EML4: variants seen among roughly 807,000 people sequenced by gnomAD.
EML4 encodes EMAP like 4.
A neutral mutation model predicts 129.0 loss-of-function variants in EML4; 72 were observed. The observed-to-expected ratio is 0.56, with a 90% CI of 0.46 to 0.68. The LOEUF (loss-of-function observed/expected upper bound fraction) is 0.68, where lower values mean the gene tolerates loss of function less well. EML4 is among the 30% of genes least tolerant of loss of function. EML4 has a pLI of 0.00. For missense variants in EML4, 1,363 were observed against 1,190.6 expected, an observed-to-expected ratio of 1.14 and a Z score of -2.13; for synonymous variants, 532 against 405.0, an observed-to-expected ratio of 1.31 and a Z score of -3.77.
intron 1 of EML4, among the ~76,000 whole-genome samples, chr2:42,195,953 T>C (rs1009737141): frequency 6.6e-6 from 1 of 152,202 alleles, no homozygotes; most frequent in Non-Finnish European, 1.5e-5. Context: ...TCCTTTTTCA[T>C]GGCAGACAAA....
intron 17 of EML4, among the ~76,000 whole-genome samples, chr2:42,311,340 G>A (rs530973822): frequency 6.6e-6 from 1 of 152,322 alleles, no homozygotes; most frequent in South Asian, 2.1e-4. Context: ...GCCAAGGTGG[G>A]AGGATTGCTT....
intron 10 of EML4, among the ~76,000 whole-genome samples, chr2:42,286,911 CCTTT>C (rs1441524252): frequency 6.6e-6 from 1 of 152,118 alleles, no homozygotes; most frequent in Non-Finnish European, 1.5e-5. Flanking sequence ...CCCCAGCAGT[CCTTT>C]CTAAGTGTTG....
chr2:42,312,445 C>T (rs1464765251), intron 17 of EML4, among the ~76,000 whole-genome samples: 5 of 152,144 alleles, frequency 3.3e-5, no homozygotes, highest in Admixed American at 3.3e-4. Context: ...AGTCTATTCT[C>T]TCTGAAGCCT....
At chr2:42,281,383 A>ACTC (rs1413193279) in intron 7 of EML4, among the ~76,000 whole-genome samples, 2 of 145,886 alleles carry the variant, frequency 1.4e-5, no homozygotes, top group Non-Finnish European at 3.0e-5. Flanking sequence ...ACCGGGGAAA[A>ACTC]CTCTGTCTCA....
At chr2:42,220,001 G>A (rs892604053) in intron 1 of EML4, among the ~76,000 whole-genome samples, 1 of 151,860 alleles carries the variant, frequency 6.6e-6, no homozygotes, top group African/African-American at 2.4e-5. Flanking sequence ...AAGGGCTTAA[G>A]GGGTGGCAGT....
intron 1 of EML4, 57 bp from the exon 2 acceptor site, chr2:42,245,448 A>C: frequency 1.4e-6 from 2 of 1,461,888 alleles, no homozygotes; most frequent in Non-Finnish European, 1.9e-6. Context: ...TTCTAATCAG[A>C]AATTACTTCT....
intron 2 of EML4, among the ~76,000 whole-genome samples, chr2:42,252,873 A>G (rs980961468): frequency 4.6e-5 from 7 of 152,050 alleles, no homozygotes; most frequent in South Asian, 4.1e-4. Flanking sequence ...TTGCACTTCC[A>G]TGATACTCCA....
intron 1 of EML4, among the ~76,000 whole-genome samples, chr2:42,179,971 G>A (rs1193491783): frequency 6.6e-6 from 1 of 152,176 alleles, no homozygotes; most frequent in Non-Finnish European, 1.5e-5. Context: ...ATGCATATGT[G>A]CATGTGTGTA....
At chr2:42,199,039 C>A (rs1031855695) in intron 1 of EML4, among the ~76,000 whole-genome samples, 1 of 152,098 alleles carries the variant, frequency 6.6e-6, no homozygotes, top group African/African-American at 2.4e-5. Flanking sequence ...GGAGAGGGAA[C>A]ACCTTGAAGC....
chr2:42,322,279 C>T (rs746335232), intron 19 of EML4, among the ~76,000 whole-genome samples: 3 of 152,210 alleles, frequency 2.0e-5, no homozygotes, highest in Non-Finnish European at 2.9e-5. Context: ...CAATTCAGTT[C>T]CCTGAGAGTG....
rs771807020 is a variant in EML4 at position 42,330,133 on chromosome 2, T to C, written c.2872T>C (p.Cys958Arg). ...TGGTGAGCCTCTTTATGAAGAGCCATGCAACGAGATAAGCAAGGAGCAGGC... is the reference window on the plus strand; with the variant it reads ...TGGTGAGCCTCTTTATGAAGAGCCACGCAACGAGATAAGCAAGGAGCAGGC... ...DLGEPLYEEP[C>R]NEISKEQAKA... Residue 958 changes from cysteine to arginine, a missense_variant, in exon 23 of 23, where the codon TGC becomes CGC. Coordinates refer to ENST00000318522, the MANE Select transcript of EML4 (RefSeq NM_019063.5). 3.1e-6 allele frequency: 5 copies of C among 1,611,952 alleles called. No homozygotes were observed. In the Admixed American group the frequency reaches 8.4e-5, roughly 27 times the overall value.
At chr2:42,227,494 A>G (rs1674046084) in intron 1 of EML4, among the ~76,000 whole-genome samples, 1 of 147,920 alleles carries the variant, frequency 6.8e-6, no homozygotes, top group African/African-American at 2.5e-5. Flanking sequence ...TTTTTTTTAA[A>G]CCACCCCTCT....
At chr2:42,320,224 C>G (rs1202162575) in intron 19 of EML4, among the ~76,000 whole-genome samples, 1 of 151,946 alleles carries the variant, frequency 6.6e-6, no homozygotes, top group Non-Finnish European at 1.5e-5. Flanking sequence ...TATTATTACT[C>G]ACACCTGTAA....
chr2:42,252,061 A>G (rs1675807335), intron 2 of EML4, among the ~76,000 whole-genome samples: 1 of 152,222 alleles, frequency 6.6e-6, no homozygotes, highest in Non-Finnish European at 1.5e-5. Flanking sequence ...AGTTTTAGAG[A>G]GACAGATTGG....
intron 1 of EML4, among the ~76,000 whole-genome samples, chr2:42,209,004 T>G (rs1672727653): frequency 6.6e-6 from 1 of 152,190 alleles, no homozygotes; most frequent in South Asian, 2.1e-4. Context: ...TCCTATTTCC[T>G]TATGGTTTTA....
intron 1 of EML4, among the ~76,000 whole-genome samples, chr2:42,187,274 C>G (rs1364648935): frequency 6.6e-6 from 1 of 151,920 alleles, no homozygotes; most frequent in Non-Finnish European, 1.5e-5. Flanking sequence ...GTCTTGAACT[C>G]TGGGCTCAAG....
chr2:42,311,555 GTAA>G (rs1247038658), intron 17 of EML4, among the ~76,000 whole-genome samples: 17 of 152,194 alleles, frequency 1.1e-4, no homozygotes, highest in East Asian at 1.9e-4. Context: ...AAAAAAAATG[GTAA>G]TAATTTTTAA....
At chr2:42,184,982 A>T (rs926628440) in intron 1 of EML4, among the ~76,000 whole-genome samples, 1 of 152,192 alleles carries the variant, frequency 6.6e-6, no homozygotes, top group African/African-American at 2.4e-5. Context: ...GTGGATTGAT[A>T]AAATTCTCTT....
chr2:42,221,884 A>G (rs374433956), intron 1 of EML4, among the ~76,000 whole-genome samples: 89 of 152,078 alleles, frequency 5.9e-4, no homozygotes, highest in African/African-American at 2.0e-3. Flanking sequence ...GATTACAGGC[A>G]TGAGCCACCA....
Sources: allele counts gnomAD v4.1 joint callset (sites outside exome capture counted in the v4.1 genomes callset), GRCh38; gene constraint gnomAD v4.1.1; transcripts MANE v1.5; gene names NCBI Gene and HGNC (gene_info 2026-07-23, HGNC 2026-07-21).